Variants in EPB41 observed in about 807,000 individuals in gnomAD.
EPB41 encodes erythrocyte membrane protein band 4.1, also known as protein 4.1.
A neutral mutation model predicts 108.0 loss-of-function variants in EPB41; 65 were observed. The ratio of observed to expected loss-of-function variants is 0.60; its 90% CI spans 0.49 to 0.74. The LOEUF (loss-of-function observed/expected upper bound fraction) is 0.74. Among genes scored for constraint, EPB41 ranks in the 30% least tolerant of loss-of-function variants. EPB41 has a pLI of 0.00. For synonymous variants in EPB41, 336 were observed against 358.9 expected (o/e 0.94, Z 0.72); for missense variants, 875 against 1,037.0 (o/e 0.84, Z 2.15).
chr1:29,016,046 C>T (rs1414372668), intron 6 of EPB41, among the ~76,000 whole-genome samples: 2 of 152,172 alleles, frequency 1.3e-5, no homozygotes, highest in African/African-American at 4.8e-5. Context: ...AAGCTGTGGG[C>T]AGGGCTTCTA....
chr1:28,926,060 A>AATG (rs2148409077), intron 1 of EPB41, among the ~76,000 whole-genome samples: 1 of 147,366 alleles, frequency 6.8e-6, no homozygotes, highest in South Asian at 2.2e-4. Flanking sequence ...AAAAAAAATT[A>AATG]TAGGCCAGAT....
intron 1 of EPB41, among the ~76,000 whole-genome samples, chr1:28,983,314 A>G (rs2095800277): frequency 6.6e-6 from 1 of 152,340 alleles, no homozygotes; most frequent in South Asian, 2.1e-4. Context: ...CCTGCTCTTC[A>G]TATTCCACTT....
At chr1:28,959,036 T>A (rs1374981262) in intron 1 of EPB41, among the ~76,000 whole-genome samples, 1 of 151,346 alleles carries the variant, frequency 6.6e-6, no homozygotes, top group Non-Finnish European at 1.5e-5. Flanking sequence ...GCTTGGGGTA[T>A]TATAAAGAAG....
chr1:28,998,609 T>C (rs771190773), intron 4 of EPB41, among the ~76,000 whole-genome samples: 2 of 152,236 alleles, frequency 1.3e-5, no homozygotes, highest in African/African-American at 2.4e-5. Context: ...CTATACCTAG[T>C]AGTTTACAAA....
intron 1 of EPB41, among the ~76,000 whole-genome samples, chr1:28,906,518 A>G (rs912252948): frequency 1.3e-4 from 20 of 152,130 alleles, no homozygotes; most frequent in Admixed American, 1.2e-3. Context: ...CCAGCTGGTA[A>G]GAGAATAGGG....
intron 1 of EPB41, among the ~76,000 whole-genome samples, chr1:28,969,383 C>T (rs1411870255): frequency 6.6e-6 from 1 of 152,072 alleles, no homozygotes; most frequent in Admixed American, 6.5e-5. Flanking sequence ...CCACGCCCAG[C>T]CCATGTCTTA....
At chr1:29,071,479 A>G (rs536863938) in intron 16 of EPB41, 2 of 152,310 alleles carry the variant, frequency 1.3e-5, no homozygotes, top group East Asian at 3.9e-4. Context: ...TACTAATTAT[A>G]TTGCTAGCAG....
At chr1:28,978,532 T>A (rs924361479) in intron 1 of EPB41, among the ~76,000 whole-genome samples, 1 of 151,606 alleles carries the variant, frequency 6.6e-6, no homozygotes, top group Non-Finnish European at 1.5e-5. Context: ...GGTAGACTTA[T>A]AGACTTAATT....
chr1:29,088,737 TGTTA>T (rs1660151517), intron 16 of EPB41, among the ~76,000 whole-genome samples: 1 of 152,180 alleles, frequency 6.6e-6, no homozygotes, highest in Admixed American at 6.5e-5. Context: ...GAACAGACTC[TGTTA>T]AGAGGAGTTT....
intron 10 of EPB41, among the ~76,000 whole-genome samples, chr1:29,036,254 A>ATTTT (rs71022387): frequency 7.5e-5 from 8 of 106,340 alleles, no homozygotes; most frequent in East Asian, 2.7e-4. Flanking sequence ...TCCACGTGTG[A>ATTTT]TTTTTTTTTT....
chr1:29,059,797 G>A (rs1646192881), intron 14 of EPB41, among the ~76,000 whole-genome samples: 1 of 152,008 alleles, frequency 6.6e-6, no homozygotes, highest in East Asian at 1.9e-4. Flanking sequence ...ACCCACTGTA[G>A]CAGCAACTCC....
chr1:29,001,814 G>A (rs770255182), intron 4 of EPB41, among the ~76,000 whole-genome samples: 3 of 151,992 alleles, frequency 2.0e-5, no homozygotes, highest in Non-Finnish European at 2.9e-5. Flanking sequence ...TTGTCCTTAC[G>A]AAGTTGAGAG....
chr1:28,966,280 A>G (rs1337971392), intron 1 of EPB41, among the ~76,000 whole-genome samples: 1 of 152,162 alleles, frequency 6.6e-6, no homozygotes, highest in East Asian at 1.9e-4. Context: ...GTAAGTAAGC[A>G]TTTTGTATTC....
chr1:28,949,011 A>G (rs763618031), intron 1 of EPB41, among the ~76,000 whole-genome samples: 1 of 152,204 alleles, frequency 6.6e-6, no homozygotes, highest in Non-Finnish European at 1.5e-5. Context: ...AGTAGCACCT[A>G]TAAACCTACC....
chr1:29,052,806 G>GAGATA (rs1276648096), intron 11 of EPB41, among the ~76,000 whole-genome samples: 1 of 151,722 alleles, frequency 6.6e-6, no homozygotes, highest in African/African-American at 2.4e-5. Flanking sequence ...CTAAAATTAC[G>GAGATA]AGATAAATGG....
rs1000736454 is a variant in EPB41 at position 29,023,002 on chromosome 1, A to G, written c.1124+4560A>G. On this transcript the variant is annotated intron_variant, in intron 7 of 20. Transcript: ENST00000343067. ...AAAGTAATGGGATTACCATTATTTT[A>G]TTTTATTTTGAAATGGAGTTTCACT... Among the ~76,000 whole-genome samples, 3 of 151,860 alleles carry G rather than the reference A, an allele frequency of 2.0e-5. No homozygotes were observed. The South Asian group carries it at 6.2e-4, about 31-fold the overall frequency.
intron 1 of EPB41, among the ~76,000 whole-genome samples, chr1:28,954,266 G>A (rs1344267661): frequency 6.6e-6 from 1 of 152,192 alleles, no homozygotes; most frequent in East Asian, 1.9e-4. Flanking sequence ...ATTTATCATT[G>A]TTGTAGAGGG....
At position 28,993,696 on chromosome 1, in the gene EPB41, A is replaced by G. The variant is rs1215882046; in HGVS notation, c.681+154A>G. On this transcript the variant is annotated intron_variant, in intron 3 of 20. Coordinates refer to ENST00000343067, the MANE Select transcript of EPB41 (RefSeq NM_001376013.1). The stretch of plus-strand genomic sequence containing the variant: ...TTTTGAGACAGAGTTTTGCTCTGTC[A>G]CCCAGGCTGGAGTGCAGTGGCATGA... 9.2e-5 allele frequency among the ~76,000 whole-genome samples: 12 copies of G among 130,708 alleles called. No homozygotes were observed. In the Admixed American group the frequency reaches 1.1e-3, roughly 12 times the overall value. 85.7% of individuals were successfully genotyped at this position (130,708 alleles called of 152,430 possible). A position where few individuals can be genotyped will look rare whatever the true frequency, so the allele number is the denominator to read the frequency against.
chr1:29,106,327 C>G (rs10915228), intron 17 of EPB41, among the ~76,000 whole-genome samples: 2 of 152,152 alleles, frequency 1.3e-5, no homozygotes, highest in African/African-American at 4.8e-5. Context: ...TTTAGCCCTT[C>G]TGGCATGCAA....
Sources: allele counts gnomAD v4.1 joint callset (sites outside exome capture counted in the v4.1 genomes callset), GRCh38; gene constraint gnomAD v4.1.1; transcripts MANE v1.5; gene names NCBI Gene and HGNC (gene_info 2026-07-23, HGNC 2026-07-21).